MCM8: variants seen among roughly 807,000 people sequenced by gnomAD.
The protein encoded by MCM8 is DNA helicase MCM8.
In MCM8, 85 loss-of-function variants were observed where a neutral mutation model predicts 98.9. The ratio of observed to expected loss-of-function variants is 0.86; its 90% CI spans 0.72 to 1.03. The LOEUF is 1.03. Ranked by LOEUF, MCM8 falls within the 50% of genes least tolerant of loss-of-function variation. The pLI is 0.00. For missense variants in MCM8, 951 were observed against 997.8 expected, an observed-to-expected ratio of 0.95 and a Z score of 0.63; for synonymous variants, 352 against 338.6, an observed-to-expected ratio of 1.04 and a Z score of -0.44.
At chr20:5,985,623 G>T (rs1282194821) in intron 15 of MCM8, among the ~76,000 whole-genome samples, 1 of 151,094 alleles carries the variant, frequency 6.6e-6, no homozygotes, top group African/African-American at 2.4e-5. Flanking sequence ...TTGGCTCACT[G>T]CAACCTCTGT....
chr20:5,964,176 A>T (rs577475213), intron 8 of MCM8, among the ~76,000 whole-genome samples: 1 of 135,904 alleles, frequency 7.4e-6, no homozygotes, highest in African/African-American at 2.7e-5. Flanking sequence ...TTTTCATCCC[A>T]TAATTGATTA....
At chr20:5,984,751 A>G (rs2089695554) in intron 14 of MCM8, 30 bp from the exon 15 acceptor site, 1 of 1,542,116 alleles carries the variant, frequency 6.5e-7, no homozygotes, top group South Asian at 1.1e-5. Flanking sequence ...GATTCCAATC[A>G]TTGTTTCTTC....
Position 5,955,109 on chromosome 20 carries a change from TAGAA to T in MCM8, c.351_354del (p.Lys118GlufsTer5), listed in dbSNP as rs762416121. On this transcript the variant is annotated frameshift_variant, in exon 5 of 19. Transcript: ENST00000610722. LOFTEE classifies it high-confidence loss of function. ...TACTTTTATATTTTATAGGATGAAA[TAGAA>T]AGAAAGGGAAGTATTTTGGTAGATT... The T allele has an allele frequency of 5.6e-5, 89 of 1,592,632 alleles. No homozygotes were observed. The highest frequency in any genetic ancestry group is 1.7e-4 in the Middle Eastern group (1 of 6,042).
Position 5,998,615 on chromosome 20 carries a change from C to T in MCM8, c.*4224C>T, listed in dbSNP as rs2089986751. On this transcript the variant is annotated 3_prime_UTR_variant, in exon 19 of 19. Coordinates refer to ENST00000610722, the MANE Select transcript of MCM8 (RefSeq NM_032485.6). ...TGGAGACCCAGTATGGAACCCACTC[C>T]TAGCCCTTGTGACAATATTGCAAGC... 6.6e-6 allele frequency: 1 copy of T among 152,206 alleles called. No individual in the cohort carries two copies. 9.4% of individuals were successfully genotyped at this position (152,206 alleles called of 1,614,324 possible). A position where few individuals can be genotyped will look rare whatever the true frequency, so the allele number is the denominator to read the frequency against.
chr20:5,954,708 C>G lies in MCM8; in HGVS notation c.336+18C>G, dbSNP rs1247884104. ...ATGACAAGGTAAGATTCCTCTACAG[C>G]AAAGCTACCAGTCATGTGCCATCTT... is the stretch of plus-strand genomic sequence containing the variant. On this transcript the variant is annotated intron_variant, in intron 4 of 18. Transcript: ENST00000610722. 2 of 1,413,152 alleles carry G rather than the reference C, an allele frequency of 1.4e-6. No individual in the cohort carries two copies. Among genetic ancestry groups the G allele is most frequent in the Admixed American group, 3.4e-5 (2 of 59,244 alleles). The allele number at this position is 1,413,152 out of a possible 1,614,324, so 87.5% of individuals were successfully genotyped here.
chr20:5,952,441 T>C lies in MCM8; in HGVS notation c.166T>C (p.Leu56=), dbSNP rs777518659. The C allele has an allele frequency of 1.4e-5, 22 of 1,613,886 alleles. No individual in the cohort carries two copies. Among genetic ancestry groups the C allele is most frequent in the Non-Finnish European group, 1.8e-5 (21 of 1,179,996 alleles). The stretch of plus-strand genomic sequence containing the variant: ...TTTTTCAGAACAAACCCCACAGTTT[T>C]TGCTTTCAACAAAGACCCCACAGTC... The part of the protein sequence containing the change: ...KRTSEQTPQF[L]LSTKTPQSMQ... Residue 56 remains leucine, a synonymous_variant, in exon 3 of 19, where the codon TTG becomes CTG. Coordinates refer to ENST00000610722, the MANE Select transcript of MCM8 (RefSeq NM_032485.6).
In MCM8 at chr20:5,954,612, C is replaced by T; in HGVS notation, c.258C>T (p.Tyr86=). The part of the protein sequence containing the change: ...KGWKLYFSEV[Y]SDSSPLIEKI... ...ATGCCATATTTGTTGGATTAGTTTACAGCGATAGCTCTCCTTTGATTGAGA... is the reference window on the plus strand; with the variant it reads ...ATGCCATATTTGTTGGATTAGTTTATAGCGATAGCTCTCCTTTGATTGAGA... Residue 86 remains tyrosine (Y), a synonymous_variant, in exon 4 of 19, where the codon TAC becomes TAT. Transcript: ENST00000610722. The T allele has an allele frequency of 6.2e-7, 1 of 1,600,740 alleles. No homozygotes were observed. The highest frequency in any genetic ancestry group is 8.6e-7 in the Non-Finnish European group (1 of 1,168,578).
In MCM8 at chr20:5,998,833, A is replaced by G. The variant is rs1331177927; in HGVS notation, c.*4442A>G. 6.6e-6 allele frequency: 1 copy of G among 152,246 alleles called. No homozygotes were observed. The highest frequency in any genetic ancestry group is 1.5e-5 in the Non-Finnish European group (1 of 68,042). The allele number at this position is 152,246 out of a possible 1,614,324, so 9.4% of individuals were successfully genotyped here. ...TTTAACCCTCAGAAGAACTGAAAAC[A>G]AAAGCTATACCAGGCTTGCTCTAGA... On this transcript the variant is annotated 3_prime_UTR_variant, in exon 19 of 19. Transcript: ENST00000610722.
At chr20:5,964,663 G>T (rs980214387) in intron 8 of MCM8, 1 of 152,150 alleles carries the variant, frequency 6.6e-6, no homozygotes, top group African/African-American at 2.4e-5. Flanking sequence ...AAGTGGGTGT[G>T]GGGGGTGAAT....
chr20:5,991,692 A>C (rs2089855855), intron 17 of MCM8, among the ~76,000 whole-genome samples: 1 of 152,184 alleles, frequency 6.6e-6, no homozygotes, highest in Non-Finnish European at 1.5e-5. Flanking sequence ...TATGCTCAAC[A>C]TGCATTCTTT....
At chr20:5,990,515 T>A (rs2089829660) in intron 17 of MCM8, among the ~76,000 whole-genome samples, 1 of 152,186 alleles carries the variant, frequency 6.6e-6, no homozygotes, top group Non-Finnish European at 1.5e-5. Flanking sequence ...GACCCTCTAG[T>A]TGCCATTTAT....
chr20:5,972,713 C>T, intron 11 of MCM8: 3 of 1,298,412 alleles, frequency 2.3e-6, no homozygotes, highest in Non-Finnish European at 3.0e-6. Flanking sequence ...CGCCACCAGA[C>T]CCAGCTACTT....
At position 5,993,511 on chromosome 20, in the gene MCM8, T is replaced by C. The variant is rs2089893589; in HGVS notation, c.2246T>C (p.Leu749Pro). 1 of 1,548,784 alleles carries C rather than the reference T, an allele frequency of 6.5e-7. No individual in the cohort carries two copies. The highest frequency in any genetic ancestry group is 8.8e-7 in the Non-Finnish European group (1 of 1,140,918). ...TTTCTTCCTTTCTTTTTAAGCATGCTAGGAACTTACTCTGATGAATTTGGG... is the reference window on the plus strand; with the variant it reads ...TTTCTTCCTTTCTTTTTAAGCATGCCAGGAACTTACTCTGATGAATTTGGG... ...DIVEIMKYSM[L>P]GTYSDEFGNL... is the part of the protein sequence containing the mutation. The change falls in exon 18 of 19, where the codon CTA (leucine) becomes CCA (proline). Residue 749 changes from leucine (L) to proline (P), a missense_variant. By Grantham distance (98) the Leu-to-Pro change is moderately conservative. Coordinates refer to ENST00000610722, the MANE Select transcript of MCM8 (RefSeq NM_032485.6).
At chr20:5,967,634 C>T (rs2089304568) in intron 9 of MCM8, 47 bp downstream of exon 9, 7 of 1,554,036 alleles carry the variant, frequency 4.5e-6, no homozygotes, top group South Asian at 1.2e-5. Context: ...AATGATTCAT[C>T]AACGTTCATC....
intron 5 of MCM8, among the ~76,000 whole-genome samples, chr20:5,955,682 A>G (rs2088960948): frequency 6.6e-6 from 1 of 152,246 alleles, no homozygotes; most frequent in South Asian, 2.1e-4. Flanking sequence ...ATCAAATGTA[A>G]ATAACAGTTT....
Position 5,967,491 on chromosome 20 carries a change from A to G in MCM8, c.931A>G (p.Ile311Val). The G allele has an allele frequency of 1.9e-6, 3 of 1,614,122 alleles. No homozygotes were observed. Among genetic ancestry groups the G allele is most frequent in the South Asian group, 1.1e-5 (1 of 91,080 alleles). ...AGAAGCAGGTCGGATTCCACGAACA[A>G]TAGAATGTGAGCTTGTTCATGATCT... ...QREAGRIPRT[I>V]ECELVHDLVD... Residue 311 changes from isoleucine (I) to valine (V), a missense_variant, in exon 9 of 19, where the codon ATA becomes GTA. Transcript: ENST00000610722.
intron 7 of MCM8, among the ~76,000 whole-genome samples, chr20:5,959,044 A>G (rs889795686): frequency 6.6e-6 from 1 of 152,132 alleles, no homozygotes; most frequent in Admixed American, 6.5e-5. Flanking sequence ...AGTTATTATA[A>G]TATGCATCCC....
At chr20:5,993,859 C>G (rs767436752) in intron 18 of MCM8, 164 bp downstream of exon 18, 54 of 532,398 alleles carry the variant, frequency 1.0e-4, no homozygotes, top group Non-Finnish European at 1.7e-4. Context: ...AAGACAGTCT[C>G]TATGTTTTTC....
Position 5,984,847 on chromosome 20 carries a change from T to C in MCM8, c.1800T>C (p.His600=). The C allele has an allele frequency of 6.2e-7, 1 of 1,614,134 alleles. No individual in the cohort carries two copies. Among genetic ancestry groups the C allele is most frequent in the South Asian group, 1.1e-5 (1 of 91,076 alleles). ...VFILLDTPNE[H]HDHLLSEHVI... ...TCCTGTTAGATACTCCAAATGAGCA[T>C]CATGATCACTTACTCTCTGAACATG... is the stretch of plus-strand genomic sequence containing the variant. Residue 600 remains histidine, a synonymous_variant, in exon 15 of 19, where the codon CAT becomes CAC. Transcript: ENST00000610722.
Sources: gnomAD v4.1 joint callset for allele counts (sites outside exome capture counted in the v4.1 genomes callset) on GRCh38, gnomAD v4.1.1 for gene constraint, MANE v1.5 for transcripts, NCBI Gene and HGNC (gene_info 2026-07-23, HGNC 2026-07-21) for gene names.